The following EXOC4 variants were observed in gnomAD, a reference collection of about 807,000 sequenced individuals.
EXOC4 encodes the protein SEC8-like 1.
A neutral mutation model predicts 107.2 loss-of-function variants in EXOC4; 71 were observed. The ratio of observed to expected loss-of-function variants is 0.66; its 90% CI spans 0.55 to 0.81. The LOEUF (loss-of-function observed/expected upper bound fraction) is 0.81, where lower values mean the gene tolerates loss of function less well. Ranked by LOEUF, EXOC4 falls within the 30% of genes least tolerant of loss-of-function variation. The probability of loss-of-function intolerance (pLI) is 0.00; values close to 1 mark genes in which losing one functional copy is unlikely to be tolerated. For missense variants in EXOC4, 1,108 were observed against 1,189.6 expected, an observed-to-expected ratio of 0.93 and a Z score of 1.01; for synonymous variants, 456 against 441.2, an observed-to-expected ratio of 1.03 and a Z score of -0.42.
intron 11 of EXOC4, among the ~76,000 whole-genome samples, chr7:133,827,576 C>T (rs921862123): frequency 3.9e-5 from 6 of 152,192 alleles, no homozygotes; most frequent in Non-Finnish European, 7.4e-5. Flanking sequence ...AATCATCTGC[C>T]ACCAACCTTA....
intron 11 of EXOC4, among the ~76,000 whole-genome samples, chr7:133,821,987 C>T (rs960368297): frequency 6.6e-6 from 1 of 152,160 alleles, no homozygotes; most frequent in African/African-American, 2.4e-5. Context: ...GTTAATGGTG[C>T]TAAAATTAAA....
At chr7:133,693,301 AAGCATCC>A (rs1463398500) in intron 10 of EXOC4, among the ~76,000 whole-genome samples, 8 of 152,156 alleles carry the variant, frequency 5.3e-5, no homozygotes, top group African/African-American at 1.9e-4. Flanking sequence ...AGAGGGCAGG[AAGCATCC>A]AGCATGGGAG....
chr7:133,657,631 A>T (rs1167479872), intron 10 of EXOC4, among the ~76,000 whole-genome samples: 1 of 152,060 alleles, frequency 6.6e-6, no homozygotes, highest in African/African-American at 2.4e-5. Context: ...GCATTGGGAG[A>T]TAATTGAGTT....
At chr7:133,836,701 A>G (rs1428528714) in intron 11 of EXOC4, among the ~76,000 whole-genome samples, 3 of 152,116 alleles carry the variant, frequency 2.0e-5, no homozygotes, top group Non-Finnish European at 4.4e-5. Context: ...GCTGTCCAGA[A>G]TGCTGTCTGA....
chr7:133,934,965 G>A (rs539224285), intron 13 of EXOC4, among the ~76,000 whole-genome samples: 63 of 147,532 alleles, frequency 4.3e-4, no homozygotes, highest in Admixed American at 1.4e-3. Context: ...TTAGATAAAT[G>A]AGTCAGCTAG....
At chr7:133,364,389 T>C (rs1796203999) in intron 6 of EXOC4, among the ~76,000 whole-genome samples, 1 of 148,054 alleles carries the variant, frequency 6.8e-6, no homozygotes, top group African/African-American at 2.6e-5. Context: ...GTCTTTCCAC[T>C]TTAGCCTCCC....
chr7:133,272,947 A>G (rs1793906765), intron 1 of EXOC4, among the ~76,000 whole-genome samples: 1 of 152,202 alleles, frequency 6.6e-6, no homozygotes, highest in Non-Finnish European at 1.5e-5. Context: ...AAACAATGTG[A>G]AATGTTTGGC....
chr7:133,370,710 G>C (rs1041256914), intron 6 of EXOC4, among the ~76,000 whole-genome samples: 1 of 152,072 alleles, frequency 6.6e-6, no homozygotes, highest in African/African-American at 2.4e-5. Context: ...TTTTGGGGTC[G>C]CAAGATTTAT....
intron 10 of EXOC4, among the ~76,000 whole-genome samples, chr7:133,795,134 C>A (rs191156922): frequency 6.8e-4 from 104 of 152,176 alleles, no homozygotes; most frequent in African/African-American, 2.4e-3. Flanking sequence ...TTGAATAGAA[C>A]TATTACCCTC....
At chr7:133,525,838 T>G (rs919994601) in intron 9 of EXOC4, among the ~76,000 whole-genome samples, 1 of 152,172 alleles carries the variant, frequency 6.6e-6, no homozygotes, top group African/African-American at 2.4e-5. Context: ...TTGAAGGAAA[T>G]GCTAAATTTC....
chr7:133,564,189 C>T (rs1005043553), intron 9 of EXOC4, among the ~76,000 whole-genome samples: 2 of 152,122 alleles, frequency 1.3e-5, no homozygotes, highest in Non-Finnish European at 2.9e-5. Flanking sequence ...GTATGGGAAG[C>T]ATAGCAGCTT....
intron 10 of EXOC4, among the ~76,000 whole-genome samples, chr7:133,676,959 G>GTGTGTGTA (rs1554382524): frequency 0.065 from 8,967 of 138,528 alleles, 308 homozygotes; most frequent in Admixed American, 0.16. Context: ...GTGTGTGTAT[G>GTGTGTGTA]TGTGTGTGTG....
chr7:133,944,959 A>C (rs1381889543), intron 14 of EXOC4, among the ~76,000 whole-genome samples: 4 of 152,240 alleles, frequency 2.6e-5, no homozygotes, highest in Non-Finnish European at 5.9e-5. Flanking sequence ...TCTTATTTTA[A>C]CCCATTTTAA....
At chr7:133,589,408 C>T (rs1801487059) in intron 9 of EXOC4, among the ~76,000 whole-genome samples, 1 of 152,142 alleles carries the variant, frequency 6.6e-6, no homozygotes, top group Admixed American at 6.5e-5. Context: ...TTACTGAACC[C>T]CTTCCACCTC....
chr7:133,893,603 C>A, intron 11 of EXOC4, among the ~76,000 whole-genome samples: 1 of 72,880 alleles, frequency 1.4e-5, no homozygotes, highest in South Asian at 6.6e-4. Context: ...CCTTCAGGAG[C>A]TCTTTTAGGG....
chr7:133,729,121 G>T (rs1315190485), intron 10 of EXOC4, among the ~76,000 whole-genome samples: 1 of 152,072 alleles, frequency 6.6e-6, no homozygotes, highest in Non-Finnish European at 1.5e-5. Context: ...GATAATGTTG[G>T]TTATTGATGA....
rs562954768 is a variant in EXOC4 at position 133,715,295 on chromosome 7, G to A, written c.1514+85154G>A. Among the ~76,000 whole-genome samples, 37 of 152,262 alleles carry A rather than the reference G, an allele frequency of 2.4e-4. No individual in the cohort carries two copies. In the South Asian group the frequency reaches 7.5e-3, roughly 31 times the overall value. On this transcript the variant is annotated intron_variant, in intron 10 of 17. Coordinates refer to ENST00000253861, the MANE Select transcript of EXOC4 (RefSeq NM_021807.4). ...CCTGAGTAGCTGGGACTACAGTTGT[G>A]CCCAAATCAGTTATTTTCCAGACTT...
chr7:133,299,960 C>T (rs566779180), intron 3 of EXOC4, among the ~76,000 whole-genome samples: 1 of 152,272 alleles, frequency 6.6e-6, no homozygotes, highest in South Asian at 2.1e-4. Context: ...AACAACCCCT[C>T]ATTTGAGCTG....
At chr7:133,925,891 T>G (rs1375597795) in intron 13 of EXOC4, among the ~76,000 whole-genome samples, 1 of 151,524 alleles carries the variant, frequency 6.6e-6, no homozygotes, top group Non-Finnish European at 1.5e-5. Context: ...AAAAAAAAAT[T>G]AGCTGGGCAT....
Sources: allele counts gnomAD v4.1 joint callset (sites outside exome capture counted in the v4.1 genomes callset), GRCh38; gene constraint gnomAD v4.1.1; transcripts MANE v1.5; gene names NCBI Gene and HGNC (gene_info 2026-07-23, HGNC 2026-07-21).